Variants in CPQ observed in about 807,000 individuals in gnomAD.
CPQ encodes carboxypeptidase Q, also known as Ser-Met dipeptidase.
A neutral mutation model predicts 45.7 loss-of-function variants in CPQ; 37 were observed. That is an observed-to-expected ratio of 0.81 (90% CI 0.62 to 1.07). The LOEUF is 1.07. Among genes scored for constraint, CPQ ranks in the 50% least tolerant of loss-of-function variants. CPQ has a pLI of 0.00. For missense variants in CPQ, 537 were observed against 572.9 expected (o/e 0.94, Z 0.64); for synonymous variants, 186 against 205.8 (o/e 0.90, Z 0.82).
intron 5 of CPQ, among the ~76,000 whole-genome samples, chr8:97,006,893 G>A (rs149844230): frequency 2.6e-5 from 4 of 152,238 alleles, no homozygotes; most frequent in African/African-American, 7.2e-5. Flanking sequence ...GTTGAAACTC[G>A]TCTTTCAACT....
intron 1 of CPQ, among the ~76,000 whole-genome samples, chr8:96,749,563 G>C (rs1810232415): frequency 6.6e-6 from 1 of 152,204 alleles, no homozygotes; most frequent in Non-Finnish European, 1.5e-5. Flanking sequence ...ATATTAGAGA[G>C]GGAAGTAGCC....
chr8:96,834,927 G>C (rs1213641964), intron 2 of CPQ, 46 bp from the exon 3 acceptor site: 2 of 1,559,936 alleles, frequency 1.3e-6, no homozygotes, highest in Non-Finnish European at 1.8e-6. Context: ...ATTCAACCCA[G>C]CTGATGGGAA....
chr8:96,717,063 AT>A (rs1809689280), intron 1 of CPQ, among the ~76,000 whole-genome samples: 1 of 107,690 alleles, frequency 9.3e-6, no homozygotes, highest in Admixed American at 8.9e-5. Context: ...ATATATATAT[AT>A]ATATATATAT....
At chr8:96,712,134 C>T (rs924063053) in intron 1 of CPQ, among the ~76,000 whole-genome samples, 1 of 152,174 alleles carries the variant, frequency 6.6e-6, no homozygotes, top group Admixed American at 6.5e-5. Flanking sequence ...CCTTTGACTC[C>T]ATGTCTCACA....
intron 5 of CPQ, among the ~76,000 whole-genome samples, chr8:96,995,355 G>T (rs567749981): frequency 7.2e-5 from 11 of 151,954 alleles, no homozygotes; most frequent in Non-Finnish European, 1.5e-4. Context: ...GAATATGAGA[G>T]AACTGTTAAG....
At chr8:97,082,592 A>G (rs1272161217) in intron 7 of CPQ, among the ~76,000 whole-genome samples, 1 of 152,148 alleles carries the variant, frequency 6.6e-6, no homozygotes, top group Non-Finnish European at 1.5e-5. Flanking sequence ...TAAAACACCT[A>G]GTCTCTCCAC....
At chr8:96,800,077 AG>A (rs1810986683) in intron 2 of CPQ, among the ~76,000 whole-genome samples, 1 of 152,184 alleles carries the variant, frequency 6.6e-6, no homozygotes, top group African/African-American at 2.4e-5. Flanking sequence ...AGCCATTAGA[AG>A]GCAAAATGAG....
chr8:96,784,972 GA>G lies in CPQ; in HGVS notation c.77del (p.Asn26MetfsTer11). On this transcript the variant is annotated frameshift_variant, in exon 2 of 8. Transcript: ENST00000220763. LOFTEE classifies it high-confidence loss of function. Reference protein sequence around the residue: ...SLCSGKAICKNGISKRTFEEI... With the variant: ...SLCSGKAICKXGISKRTFEEI... ...TGTGCTCTGGGAAAGCTATATGCAA[GA>G]ATGGCATCTCTAAGAGGACTTTTGA... 4 of 1,613,744 alleles carry G rather than the reference GA, an allele frequency of 2.5e-6. No individual in the cohort carries two copies. Among genetic ancestry groups the G allele is most frequent in the Non-Finnish European group, 3.4e-6 (4 of 1,179,778 alleles).
rs71267281 is a variant in CPQ, at chr8:96,787,525, C to CTTTT, written c.433+2222_433+2225dup. ...TTGTAGTTTCATTTTCTTATAATGT[C>CTTTT]TTTTTTTTTTTTTTTTTTTTTTTTT... On this transcript the variant is annotated intron_variant, in intron 2 of 7. Transcript: ENST00000220763. Among the ~76,000 whole-genome samples, 45 of 47,588 alleles carry CTTTT rather than the reference C, an allele frequency of 9.5e-4. 7 individuals carry two copies. Among genetic ancestry groups the CTTTT allele is most frequent in the African/African-American group, 2.1e-3 (26 of 12,406 alleles). 31.2% of individuals were successfully genotyped at this position (47,588 alleles called of 152,430 possible). A position where few individuals can be genotyped will look rare whatever the true frequency, so the allele number is the denominator to read the frequency against.
At chr8:96,930,266 C>A (rs1299553457) in intron 4 of CPQ, among the ~76,000 whole-genome samples, 1 of 152,186 alleles carries the variant, frequency 6.6e-6, no homozygotes, top group Non-Finnish European at 1.5e-5. Context: ...GCTTAGAAGA[C>A]CTTCACTTGT....
intron 1 of CPQ, among the ~76,000 whole-genome samples, chr8:96,680,204 C>A (rs1033343112): frequency 6.6e-6 from 1 of 152,064 alleles, no homozygotes; most frequent in Non-Finnish European, 1.5e-5. Flanking sequence ...TGTGGTTTAA[C>A]CTTCATATAT....
chr8:97,038,825 CAAAAAA>C (rs35739621), intron 6 of CPQ, among the ~76,000 whole-genome samples: 4 of 91,874 alleles, frequency 4.4e-5, no homozygotes, highest in African/African-American at 1.3e-4. Flanking sequence ...ACCGTATTTA[CAAAAAA>C]AAAAAAAAAA....
intron 1 of CPQ, among the ~76,000 whole-genome samples, chr8:96,783,194 C>T (rs2130807371): frequency 6.6e-6 from 1 of 152,158 alleles, no homozygotes; most frequent in Admixed American, 6.6e-5. Context: ...AAGCTGCGTT[C>T]ACATTTTTCG....
intron 7 of CPQ, among the ~76,000 whole-genome samples, chr8:97,089,414 G>A (rs921513902): frequency 6.6e-6 from 1 of 152,006 alleles, no homozygotes; most frequent in Non-Finnish European, 1.5e-5. Context: ...AATGATCCAG[G>A]GGGTAGTCCA....
At chr8:97,065,563 C>A (rs1481267476) in intron 6 of CPQ, among the ~76,000 whole-genome samples, 2 of 152,088 alleles carry the variant, frequency 1.3e-5, no homozygotes, top group Non-Finnish European at 2.9e-5. Flanking sequence ...GATAGAATAT[C>A]CATTTAGAGG....
At chr8:96,876,358 A>G (rs558661436) in intron 3 of CPQ, among the ~76,000 whole-genome samples, 3 of 152,270 alleles carry the variant, frequency 2.0e-5, no homozygotes, top group African/African-American at 4.8e-5. Context: ...CTCAAAAAAA[A>G]AGATCATGTC....
intron 7 of CPQ, among the ~76,000 whole-genome samples, chr8:97,129,500 T>C (rs1410664194): frequency 6.6e-6 from 1 of 152,146 alleles, no homozygotes; most frequent in Middle Eastern, 3.2e-3. Flanking sequence ...AGAAAGTACT[T>C]AGTAAATCCT....
chr8:96,653,700 A>T (rs1184554728), intron 1 of CPQ, among the ~76,000 whole-genome samples: 2 of 152,180 alleles, frequency 1.3e-5, no homozygotes, highest in African/African-American at 2.4e-5. Context: ...AGGGAGAGAA[A>T]ATATATTTAC....
chr8:96,773,461 C>G (rs1052451448), intron 1 of CPQ, among the ~76,000 whole-genome samples: 14 of 151,944 alleles, frequency 9.2e-5, no homozygotes, highest in African/African-American at 3.1e-4. Flanking sequence ...TGTGATTTCT[C>G]CAAATGGAGA....
Sources: allele counts gnomAD v4.1 joint callset (sites outside exome capture counted in the v4.1 genomes callset), GRCh38; gene constraint gnomAD v4.1.1; transcripts MANE v1.5; gene names NCBI Gene and HGNC (gene_info 2026-07-23, HGNC 2026-07-21).